The following PPA2 variants were observed in gnomAD, a reference collection of about 807,000 sequenced individuals.
PPA2 encodes inorganic pyrophosphatase 2, mitochondrial.
PPA2 carries 48 observed loss-of-function variants against 49.5 expected under a neutral mutation model. That is an observed-to-expected ratio of 0.97 (90% confidence interval 0.77 to 1.23). The LOEUF is 1.23. Among genes scored for constraint, PPA2 ranks in the 50% most tolerant of loss-of-function variants. The pLI is 0.00. For synonymous variants in PPA2, 131 were observed against 139.9 expected (o/e 0.94, Z 0.45); for missense variants, 429 against 410.1 (o/e 1.05, Z -0.40).
chr4:105,434,179 G>A (rs1055300254), intron 6 of PPA2, among the ~76,000 whole-genome samples: 2 of 152,144 alleles, frequency 1.3e-5, no homozygotes, highest in South Asian at 2.1e-4. Flanking sequence ...AAAGGAACCA[G>A]AGTGGAAAAT....
intron 6 of PPA2, among the ~76,000 whole-genome samples, chr4:105,434,496 A>G (rs1378540591): frequency 6.6e-6 from 1 of 152,134 alleles, no homozygotes; most frequent in Non-Finnish European, 1.5e-5. Context: ...TCTAGTAGGA[A>G]AAGGCAAAGG....
chr4:105,419,823 T>TA (rs1281733642), intron 7 of PPA2, among the ~76,000 whole-genome samples: 1 of 152,138 alleles, frequency 6.6e-6, no homozygotes, highest in Admixed American at 6.5e-5. Flanking sequence ...AATCACAACT[T>TA]AAACGTGTCT....
intron 1 of PPA2, among the ~76,000 whole-genome samples, chr4:105,459,323 C>T (rs568154728): frequency 1.2e-4 from 19 of 152,178 alleles, no homozygotes; most frequent in African/African-American, 4.3e-4. Flanking sequence ...ATTCTCTGCC[C>T]GATTTTCAAA....
At chr4:105,370,770 T>G (rs1732991236) in intron 11 of PPA2, 67 bp downstream of exon 11, 1 of 1,300,662 alleles carries the variant, frequency 7.7e-7, no homozygotes. Context: ...TTTTAGTTTT[T>G]GGCTTCCACT....
At chr4:105,394,373 C>CAAAAAAAAAAAAAAA (rs34736301) in intron 9 of PPA2, among the ~76,000 whole-genome samples, 5 of 96,894 alleles carry the variant, frequency 5.2e-5, no homozygotes, top group Non-Finnish European at 7.8e-5. Context: ...GATTCCATTT[C>CAAAAAAAAAAAAAAA]AAAAAAAAAA....
intron 9 of PPA2, among the ~76,000 whole-genome samples, chr4:105,392,699 C>T (rs1264349187): frequency 6.6e-6 from 1 of 151,524 alleles, no homozygotes; most frequent in African/African-American, 2.4e-5. Context: ...AAATGGTTGG[C>T]TTTAAAATAT....
At chr4:105,473,678 G>A in intron 1 of PPA2, 1 of 821,982 alleles carries the variant, frequency 1.2e-6, no homozygotes, top group Non-Finnish European at 2.1e-6. Flanking sequence ...TCTGCTCTCC[G>A]CTTTGGGGTC....
chr4:105,378,167 T>G (rs1169008756), intron 10 of PPA2, among the ~76,000 whole-genome samples: 1 of 152,176 alleles, frequency 6.6e-6, no homozygotes, highest in Non-Finnish European at 1.5e-5. Context: ...TAACCAGCAG[T>G]AAATGAGAAT....
chr4:105,457,164 G>A (rs1233259566), intron 1 of PPA2, among the ~76,000 whole-genome samples: 1 of 152,044 alleles, frequency 6.6e-6, no homozygotes, highest in Non-Finnish European at 1.5e-5. Context: ...TACTATCCAT[G>A]GGAAGAAAAG....
At chr4:105,473,133 C>T (rs1468080335) in intron 1 of PPA2, among the ~76,000 whole-genome samples, 1 of 152,132 alleles carries the variant, frequency 6.6e-6, no homozygotes, top group East Asian at 1.9e-4. Flanking sequence ...TTTTCTGTTA[C>T]GGTTAACGTA....
At chr4:105,439,065 A>C (rs531694485) in intron 5 of PPA2, among the ~76,000 whole-genome samples, 1 of 152,274 alleles carries the variant, frequency 6.6e-6, no homozygotes, top group African/African-American at 2.4e-5. Context: ...CCAAATACTA[A>C]TACTACTAAG....
At chr4:105,405,505 G>T in intron 7 of PPA2, 1 of 919,782 alleles carries the variant, frequency 1.1e-6, no homozygotes, top group Non-Finnish European at 1.3e-6. Context: ...GAATGGAGAG[G>T]GAATATATAA....
At chr4:105,389,017 CT>C (rs1254631724) in intron 9 of PPA2, among the ~76,000 whole-genome samples, 1 of 151,958 alleles carries the variant, frequency 6.6e-6, no homozygotes, top group Non-Finnish European at 1.5e-5. Context: ...CAATGATGTC[CT>C]TTTAGTCAAT....
intron 6 of PPA2, among the ~76,000 whole-genome samples, chr4:105,425,880 A>G (rs1374249326): frequency 6.6e-6 from 1 of 152,178 alleles, no homozygotes; most frequent in African/African-American, 2.4e-5. Flanking sequence ...GGAAAAAAAG[A>G]TTACATAAGG....
intron 7 of PPA2, chr4:105,407,089 T>TTA (rs552615617): frequency 1.1e-4 from 15 of 139,638 alleles, no homozygotes; most frequent in Non-Finnish European, 1.7e-4. Flanking sequence ...TGTTCCATAT[T>TTA]AAAAAAAAAA....
intron 10 of PPA2, among the ~76,000 whole-genome samples, chr4:105,376,345 CT>C (rs1733250344): frequency 6.6e-6 from 1 of 152,148 alleles, no homozygotes; most frequent in South Asian, 2.1e-4. Context: ...GATACTGTTG[CT>C]TTACTGAGAG....
At position 105,375,572 on chromosome 4, in the gene PPA2, C is replaced by A. The variant is rs28706424; in HGVS notation, c.940-4699G>T. 5.2e-3 allele frequency among the ~76,000 whole-genome samples: 784 copies of A among 151,888 alleles called. 5 individuals are homozygous for A. Among genetic ancestry groups the A allele is most frequent in the Non-Finnish European group, 5.6e-3 (382 of 67,952 alleles). On this transcript the variant is annotated intron_variant, in intron 10 of 11. Coordinates refer to ENST00000341695, the MANE Select transcript of PPA2 (RefSeq NM_176869.3). ...TGGAGATACAGCTTTGATTAAAGTG[C>A]GTGCCCATAGAGGGAAGTATTTCTT...
intron 1 of PPA2, among the ~76,000 whole-genome samples, chr4:105,464,764 G>A (rs1042222538): frequency 3.3e-5 from 5 of 152,038 alleles, no homozygotes; most frequent in Non-Finnish European, 7.4e-5. Context: ...CTTCACCTTC[G>A]GCCATGATTG....
chr4:105,424,548 C>T (rs1723403632), intron 6 of PPA2, among the ~76,000 whole-genome samples: 1 of 152,144 alleles, frequency 6.6e-6, no homozygotes. Flanking sequence ...TACAGATAAA[C>T]AACTTGCCCT....
Sources: gnomAD v4.1 joint callset for allele counts (sites outside exome capture counted in the v4.1 genomes callset) on GRCh38, gnomAD v4.1.1 for gene constraint, MANE v1.5 for transcripts, NCBI Gene and HGNC (gene_info 2026-07-23, HGNC 2026-07-21) for gene names.